Variants in GPBP1 observed in about 807,000 individuals in gnomAD.
GPBP1 encodes the protein GC-rich promoter binding protein 1, also known as vasculin.
In GPBP1, 13 loss-of-function variants were observed where a neutral mutation model predicts 56.5. The ratio of observed to expected loss-of-function variants is 0.23; its 90% CI spans 0.15 to 0.37. The LOEUF (loss-of-function observed/expected upper bound fraction) is 0.37. GPBP1 is among the 10% of genes least tolerant of loss of function. GPBP1 has a pLI of 1.00. For synonymous variants in GPBP1, 204 were observed against 188.9 expected (o/e 1.08, Z -0.66); for missense variants, 477 against 572.3 (o/e 0.83, Z 1.70).
At chr5:57,215,759 T>C (rs887246122) in intron 3 of GPBP1, among the ~76,000 whole-genome samples, 3 of 152,162 alleles carry the variant, frequency 2.0e-5, no homozygotes, top group African/African-American at 7.2e-5. Context: ...TTCTTACCCT[T>C]GGCAAAATCT....
chr5:57,229,493 T>A (rs1756348333), intron 3 of GPBP1, among the ~76,000 whole-genome samples: 1 of 81,340 alleles, frequency 1.2e-5, no homozygotes, highest in Non-Finnish European at 2.7e-5. Flanking sequence ...TTTCCTTTCC[T>A]TTTCCTTTTT....
chr5:57,221,290 A>G (rs1438198751), intron 3 of GPBP1: 1 of 820,168 alleles, frequency 1.2e-6, no homozygotes, highest in Non-Finnish European at 1.9e-6. Flanking sequence ...CCTGTGGCGC[A>G]CTAGTTTTTT....
intron 3 of GPBP1, among the ~76,000 whole-genome samples, chr5:57,228,197 G>A (rs1234173315): frequency 2.0e-5 from 3 of 152,212 alleles, no homozygotes; most frequent in South Asian, 2.1e-4. Flanking sequence ...TGGCTTACAC[G>A]TGTAATCTCA....
intron 6 of GPBP1, among the ~76,000 whole-genome samples, chr5:57,242,188 T>TC (rs1217391378): frequency 1.3e-5 from 2 of 152,232 alleles, no homozygotes; most frequent in African/African-American, 2.4e-5. Flanking sequence ...AATTCTTTTT[T>TC]CCCTCTGATA....
intron 2 of GPBP1, 78 bp from the exon 3 acceptor site, chr5:57,213,996 G>GTAA: frequency 1.5e-6 from 1 of 666,698 alleles, no homozygotes; most frequent in South Asian, 1.8e-5. Flanking sequence ...GTAGTAAGTA[G>GTAA]TAAGATCATT....
chr5:57,241,251 TATCTG>T (rs1740813076), intron 6 of GPBP1, among the ~76,000 whole-genome samples: 1 of 152,188 alleles, frequency 6.6e-6, no homozygotes, highest in African/African-American at 2.4e-5. Context: ...AACTCTGAAT[TATCTG>T]TGTGGCCAAT....
At chr5:57,248,418 T>A (rs1050927774) in intron 8 of GPBP1, among the ~76,000 whole-genome samples, 19 of 110,878 alleles carry the variant, frequency 1.7e-4, no homozygotes, top group African/African-American at 5.7e-4. Context: ...CCTCATATAC[T>A]ATTTTTTTTT....
intron 2 of GPBP1, among the ~76,000 whole-genome samples, chr5:57,184,126 G>C (rs913586864): frequency 6.6e-6 from 1 of 151,970 alleles, no homozygotes; most frequent in Non-Finnish European, 1.5e-5. Flanking sequence ...CAGCTACTTG[G>C]GAGGCTGAGG....
intron 2 of GPBP1, among the ~76,000 whole-genome samples, chr5:57,207,113 T>G (rs981534077): frequency 6.6e-6 from 1 of 151,898 alleles, no homozygotes; most frequent in Non-Finnish European, 1.5e-5. Context: ...CGAAAAATAA[T>G]CAAAATGGGC....
intron 2 of GPBP1, among the ~76,000 whole-genome samples, chr5:57,193,257 A>T (rs1248283468): frequency 1.3e-5 from 2 of 152,142 alleles, no homozygotes; most frequent in Non-Finnish European, 2.9e-5. Context: ...CCGAGGTTGC[A>T]GTGAGCCGAG....
intron 6 of GPBP1, chr5:57,245,788 T>C (rs574353655): frequency 1.3e-5 from 2 of 152,428 alleles, no homozygotes; most frequent in East Asian, 3.9e-4. Flanking sequence ...TGAATTGATA[T>C]TGTGAAATAG....
At chr5:57,179,410 ACGATTGTAG>A (rs1753941990) in intron 2 of GPBP1, among the ~76,000 whole-genome samples, 1 of 152,076 alleles carries the variant, frequency 6.6e-6, no homozygotes, top group Non-Finnish European at 1.5e-5. Context: ...GTGTAATGGC[ACGATTGTAG>A]CTCAGGCAAC....
At chr5:57,204,191 T>C (rs1755134198) in intron 2 of GPBP1, among the ~76,000 whole-genome samples, 1 of 152,232 alleles carries the variant, frequency 6.6e-6, no homozygotes, top group Non-Finnish European at 1.5e-5. Context: ...GTCATAGTTT[T>C]TAAAAGTTAA....
intron 2 of GPBP1, among the ~76,000 whole-genome samples, chr5:57,190,242 A>G (rs1320988718): frequency 1.3e-5 from 2 of 151,584 alleles, no homozygotes; most frequent in African/African-American, 4.8e-5. Flanking sequence ...ACTAGGTGGA[A>G]TTTGTTATTG....
intron 2 of GPBP1, among the ~76,000 whole-genome samples, chr5:57,205,163 TTACCTCTTATGAA>T (rs1189545253): frequency 6.6e-6 from 1 of 152,226 alleles, no homozygotes; most frequent in Non-Finnish European, 1.5e-5. Flanking sequence ...CTCTATGAAT[TTACCTCTTATGAA>T]TACCTCTTAT....
chr5:57,201,346 A>G (rs1335174623), intron 2 of GPBP1, among the ~76,000 whole-genome samples: 1 of 151,998 alleles, frequency 6.6e-6, no homozygotes, highest in African/African-American at 2.4e-5. Context: ...TGCCCATGCC[A>G]CACAGGAGAT....
intron 2 of GPBP1, among the ~76,000 whole-genome samples, chr5:57,208,632 A>G (rs1755339083): frequency 6.7e-6 from 1 of 150,052 alleles, no homozygotes; most frequent in South Asian, 2.1e-4. Context: ...CCTCAAACAC[A>G]GGGATATCTG....
intron 5 of GPBP1, among the ~76,000 whole-genome samples, chr5:57,235,751 G>A (rs1756635278): frequency 6.6e-6 from 1 of 152,084 alleles, no homozygotes; most frequent in Admixed American, 6.5e-5. Context: ...TCCTGTTTCT[G>A]AAAATCCAAA....
At chr5:57,229,406 T>C (rs566924538) in intron 3 of GPBP1, among the ~76,000 whole-genome samples, 2 of 152,330 alleles carry the variant, frequency 1.3e-5, no homozygotes, top group African/African-American at 4.8e-5. Context: ...TCTTTAATTT[T>C]TGAGAACTGG....
Sources: allele counts gnomAD v4.1 joint callset (sites outside exome capture counted in the v4.1 genomes callset), GRCh38; gene constraint gnomAD v4.1.1; transcripts MANE v1.5; gene names NCBI Gene and HGNC (gene_info 2026-07-23, HGNC 2026-07-21).